Variants in STKLD1 observed in about 807,000 individuals in gnomAD.
STKLD1 encodes serine/threonine kinase-like domain-containing protein STKLD1.
Under a neutral mutation model 80.4 loss-of-function variants are expected in STKLD1, and 79 were observed. The observed-to-expected ratio is 0.98, with a 90% CI of 0.82 to 1.19. The LOEUF is 1.19. STKLD1 is among the 50% of genes most tolerant of loss of function. The probability of loss-of-function intolerance (pLI) is 0.00; values close to 1 mark genes in which losing one functional copy is unlikely to be tolerated. For missense variants in STKLD1, 841 were observed against 856.0 expected (o/e 0.98, Z 0.22); for synonymous variants, 393 against 357.6 (o/e 1.10, Z -1.12).
Position 133,394,012 on chromosome 9 carries a change from A to T in STKLD1, c.584-279A>T, listed in dbSNP as rs1838492265. On this transcript the variant is annotated intron_variant, in intron 7 of 17. Coordinates refer to ENST00000371957, the MANE Select transcript of STKLD1 (RefSeq NM_153710.5). This position sits in a 1 kb window ranked among gnomAD's most constrained non-coding sequence, Gnocchi z 4.9. ...CTCCTTCTACAGCCATCCAGGGCAC[A>T]CAGACACACCACCTATATGGGCCAG... 1 of 432,488 alleles carries T rather than the reference A, an allele frequency of 2.3e-6. No homozygotes were observed. The highest frequency in any genetic ancestry group is 3.7e-5 in the Admixed American group (1 of 27,314). The allele number at this position is 432,488 out of a possible 1,614,324, so 26.8% of individuals were successfully genotyped here.
intron 8 of STKLD1, 101 bp from the exon 9 acceptor site, chr9:133,395,499 C>G: frequency 1.5e-6 from 2 of 1,333,324 alleles, no homozygotes; most frequent in Non-Finnish European, 2.0e-6. Flanking sequence ...TCTCCCTGGT[C>G]TCCTCCTGGA....
intron 12 of STKLD1, 41 bp downstream of exon 12, chr9:133,400,570 G>A (rs1286347008): frequency 2.0e-6 from 3 of 1,517,506 alleles, no homozygotes; most frequent in Non-Finnish European, 2.7e-6. Context: ...GGGAGGCTGT[G>A]CGCTGCTTCC....
Position 133,405,343 on chromosome 9 carries a change from C to A in STKLD1, c.1965C>A (p.Ser655Arg), listed in dbSNP as rs782444056. 2 of 1,612,634 alleles carry A rather than the reference C, an allele frequency of 1.2e-6. No individual in the cohort carries two copies. The highest frequency in any genetic ancestry group is 1.7e-6 in the Non-Finnish European group (2 of 1,179,928). ...TCACCTCCAGCCTGGTGAGTGACAGCAGCGCCTTCAGCAAACCAGGCCTCC... is the reference window on the plus strand; with the variant it reads ...TCACCTCCAGCCTGGTGAGTGACAGAAGCGCCTTCAGCAAACCAGGCCTCC... ...ERFTSSLVSD[S>R]SAFSKPGLPP... Residue 655 changes from serine (S) to arginine (R), a missense_variant, in exon 18 of 18, where the codon AGC (serine) becomes AGA (arginine). Physicochemically the swap from Ser to Arg is moderately radical, Grantham distance 110 (BLOSUM62 -1). Transcript: ENST00000371957.
At chr9:133,397,315 G>A (rs781868341) in intron 10 of STKLD1, 21 bp downstream of exon 10, 2 of 1,611,654 alleles carry the variant, frequency 1.2e-6, no homozygotes, top group South Asian at 2.2e-5. Context: ...GGACACAAAG[G>A]GGGAGCGTGC....
rs982715117 is a variant in STKLD1 at position 133,376,376 on chromosome 9, A to G, written c.-98A>G. The G allele has an allele frequency of 7.1e-7, 1 of 1,413,116 alleles. No individual in the cohort carries two copies. The highest frequency in any genetic ancestry group is 1.5e-5 in the African/African-American group (1 of 65,294). 87.5% of individuals were successfully genotyped at this position (1,413,116 alleles called of 1,614,324 possible). A position where few individuals can be genotyped will look rare whatever the true frequency, so the allele number is the denominator to read the frequency against. Reference sequence around the variant, plus strand: ...GCGGGAGGGACGCCTGAGTGCCTCGAGGGCGCCGTTCGGGCGGGGAGGATC... The same window carrying G: ...GCGGGAGGGACGCCTGAGTGCCTCGGGGGCGCCGTTCGGGCGGGGAGGATC... On this transcript the variant is annotated 5_prime_UTR_variant, in exon 1 of 18. Coordinates refer to ENST00000371957, the MANE Select transcript of STKLD1 (RefSeq NM_153710.5).
chr9:133,401,186 G>A (rs1554777581), intron 12 of STKLD1, among the ~76,000 whole-genome samples: 1 of 148,698 alleles, frequency 6.7e-6, no homozygotes, highest in South Asian at 2.1e-4. Context: ...CGTCACCCAG[G>A]CGAGTGCAGT....
chr9:133,379,831 G>C (rs1267896362), intron 2 of STKLD1, among the ~76,000 whole-genome samples: 5 of 152,222 alleles, frequency 3.3e-5, no homozygotes, highest in African/African-American at 1.2e-4. Flanking sequence ...GCAGGTTCAG[G>C]GCTGGCCATA....
In STKLD1 at chr9:133,394,594, C is replaced by T. The variant is rs587617958; in HGVS notation, c.702+185C>T. On this transcript the variant is annotated intron_variant, in intron 8 of 17. Transcript: ENST00000371957. This position sits in a 1 kb window ranked among gnomAD's most constrained non-coding sequence, Gnocchi z 4.9. Reference sequence around the variant, plus strand: ...CCTCAGAACCCCTCAGCTTGCAGCACCTGCTGGGCTCTAGCAGGATAATGA... The same window carrying T: ...CCTCAGAACCCCTCAGCTTGCAGCATCTGCTGGGCTCTAGCAGGATAATGA... Among the ~76,000 whole-genome samples the T allele has an allele frequency of 3.0e-4, 45 of 152,304 alleles. No individual in the cohort carries two copies. The highest frequency in any genetic ancestry group is 1.0e-3 in the African/African-American group (43 of 41,566).
rs200003352 is a variant in STKLD1, at chr9:133,400,405, C to T, written c.1082-8C>T. 586 of 1,609,494 alleles carry T rather than the reference C, an allele frequency of 3.6e-4. 1 individual carries two copies. In the African/African-American group the frequency reaches 6.8e-3, roughly 19 times the overall value. The stretch of plus-strand genomic sequence containing the variant: ...AATGAGTCTCCCCTGTGCCGCCCGC[C>T]CTGCCAGGTCTGCCGTGGCCCCCGG... On this transcript the variant is annotated splice_region_variant and splice_polypyrimidine_tract_variant and intron_variant, in intron 11 of 17. Coordinates refer to ENST00000371957, the MANE Select transcript of STKLD1 (RefSeq NM_153710.5).
rs1838513515 is a variant in STKLD1 at position 133,394,730 on chromosome 9, A to AAGGCTGCACGGAGTTGC, written c.702+323_702+339dup. On this transcript the variant is annotated intron_variant, in intron 8 of 17. Transcript: ENST00000371957. The surrounding 1 kb of genome is among the most constrained non-coding windows in gnomAD (Gnocchi z 4.9). ...AAGTTCAGGTGCCCTTGTGAGCATG[A>AAGGCTGCACGGAGTTGC]AGGCTGCACGGAGTTGCAAGCAACG... 5.9e-6 allele frequency: 2 copies of AAGGCTGCACGGAGTTGC among 341,288 alleles called. No individual in the cohort carries two copies. The highest frequency in any genetic ancestry group is 1.1e-5 in the Non-Finnish European group (2 of 181,094). The allele number at this position is 341,288 out of a possible 1,614,324, so 21.1% of individuals were successfully genotyped here.
intron 13 of STKLD1, among the ~76,000 whole-genome samples, chr9:133,402,653 A>G (rs1377579670): frequency 1.3e-5 from 2 of 152,202 alleles, no homozygotes; most frequent in Non-Finnish European, 2.9e-5. Context: ...CCAGCCTGGT[A>G]GTGGGATGGC....
intron 5 of STKLD1, among the ~76,000 whole-genome samples, chr9:133,388,326 G>A (rs1838308789): frequency 6.6e-6 from 1 of 152,104 alleles, no homozygotes; most frequent in Non-Finnish European, 1.5e-5. Context: ...TTGGCTCACT[G>A]CAACCTTCGC....
chr9:133,403,066 C>T, intron 14 of STKLD1, 54 bp downstream of exon 14: 5 of 1,515,876 alleles, frequency 3.3e-6, no homozygotes, highest in Non-Finnish European at 4.4e-6. Context: ...TCCCCCAGCC[C>T]CTCCCTAACT....
At chr9:133,377,453 ATCGGGAGT>A (rs1032861813) in intron 1 of STKLD1, among the ~76,000 whole-genome samples, 5 of 152,238 alleles carry the variant, frequency 3.3e-5, no homozygotes, top group Admixed American at 3.3e-4. Context: ...ATCACCTGAG[ATCGGGAGT>A]TCAAGACCAG....
At position 133,389,663 on chromosome 9, in the gene STKLD1, C is replaced by T. The variant is rs2130284829; in HGVS notation, c.467+67C>T. 572 of 1,599,608 alleles carry T rather than the reference C, an allele frequency of 3.6e-4. 2 individuals are homozygous for T. The highest frequency in any genetic ancestry group is 1.6e-3 in the Admixed American group (96 of 58,630). On this transcript the variant is annotated intron_variant, in intron 6 of 17. Transcript: ENST00000371957. The surrounding 1 kb of genome is among the most constrained non-coding windows in gnomAD (Gnocchi z 6.4). The stretch of plus-strand genomic sequence containing the variant: ...CGGGAGAAAAGGCACTGAGGCCACT[C>T]GGGTGCCAGTGCCCGTGGGCAGGAT...
Position 133,403,016 on chromosome 9 carries a change from AG to A in STKLD1, c.1474+8del, listed in dbSNP as rs1361931450. On this transcript the variant is annotated splice_donor_5th_base_variant and intron_variant, in intron 14 of 17. Coordinates refer to ENST00000371957, the MANE Select transcript of STKLD1 (RefSeq NM_153710.5). ...CTCTGGGCCCTCCTGCTGGACGGTG[AG>A]GGGCCCTCCTCCTGCTGTCCCACCG... is the stretch of plus-strand genomic sequence containing the variant. The A allele has an allele frequency of 1.9e-6, 3 of 1,562,042 alleles. No homozygotes were observed. Among genetic ancestry groups the A allele is most frequent in the Non-Finnish European group, 2.6e-6 (3 of 1,153,310 alleles).
Position 133,405,550 on chromosome 9 carries a change from C to T in STKLD1, c.*129C>T, listed in dbSNP as rs1486461264. ...AAACGGGAGGGGTAATCAGACCTCT[C>T]CAAAGAGTTTCCTGTCCATGACTGC... On this transcript the variant is annotated 3_prime_UTR_variant, in exon 18 of 18. Transcript: ENST00000371957. 4 of 917,534 alleles carry T rather than the reference C, an allele frequency of 4.4e-6. No individual in the cohort carries two copies. Among genetic ancestry groups the T allele is most frequent in the Admixed American group, 3.2e-5 (1 of 31,678 alleles). The allele number at this position is 917,534 out of a possible 1,614,324, so 56.8% of individuals were successfully genotyped here.
rs2130249599 is a variant in STKLD1 at position 133,376,570 on chromosome 9, G to A, written c.87+10G>A. ...CATGGAGAAGTACCAGGTGCCGAGTGTTCCCTGCGGGGAGGCGGGAGCTCC... is the reference window on the plus strand; with the variant it reads ...CATGGAGAAGTACCAGGTGCCGAGTATTCCCTGCGGGGAGGCGGGAGCTCC... On this transcript the variant is annotated intron_variant, in intron 1 of 17. Coordinates refer to ENST00000371957, the MANE Select transcript of STKLD1 (RefSeq NM_153710.5). 6.3e-7 allele frequency: 1 copy of A among 1,584,264 alleles called. No individual in the cohort carries two copies. Among genetic ancestry groups the A allele is most frequent in the South Asian group, 1.1e-5 (1 of 86,974 alleles).
At chr9:133,397,683 A>T (rs1378579202) in intron 10 of STKLD1, among the ~76,000 whole-genome samples, 3 of 152,140 alleles carry the variant, frequency 2.0e-5, no homozygotes, top group African/African-American at 7.2e-5. Flanking sequence ...TTCCTCACAC[A>T]GCACCACTTC....
Sources: allele counts gnomAD v4.1 joint callset (sites outside exome capture counted in the v4.1 genomes callset), GRCh38; gene constraint gnomAD v4.1.1; non-coding constraint Gnocchi (gnomAD v3.1); transcripts MANE v1.5; gene names NCBI Gene and HGNC (gene_info 2026-07-23, HGNC 2026-07-21).